Variants in PTPRM observed in about 807,000 individuals in gnomAD.
PTPRM encodes protein tyrosine phosphatase receptor type M, also known as receptor-type tyrosine-protein phosphatase mu.
A neutral mutation model predicts 186.7 loss-of-function variants in PTPRM; 47 were observed. The observed-to-expected ratio is 0.25, with a 90% confidence interval of 0.20 to 0.32. PTPRM has a LOEUF of 0.32. Ranked by LOEUF, PTPRM falls within the 10% of genes least tolerant of loss-of-function variation. PTPRM has a pLI of 1.00. For missense variants in PTPRM, 1,494 were observed against 1,865.0 expected, an observed-to-expected ratio of 0.80 and a Z score of 3.66; for synonymous variants, 668 against 674.9, an observed-to-expected ratio of 0.99 and a Z score of 0.16.
intron 32 of PTPRM, among the ~76,000 whole-genome samples, chr18:8,399,156 A>T (rs1396034350): frequency 1.3e-5 from 2 of 152,232 alleles, no homozygotes; most frequent in African/African-American, 2.4e-5. Context: ...TTATAGGCAG[A>T]AAAAAGCTTG....
intron 7 of PTPRM, among the ~76,000 whole-genome samples, chr18:7,979,427 C>T (rs937473416): frequency 5.3e-5 from 8 of 152,086 alleles, no homozygotes; most frequent in African/African-American, 1.4e-4. Context: ...TTTTTTGAAA[C>T]GCAGATCTAA....
At chr18:8,150,934 G>T (rs565412958) in intron 14 of PTPRM, among the ~76,000 whole-genome samples, 1 of 152,256 alleles carries the variant, frequency 6.6e-6, no homozygotes, top group East Asian at 1.9e-4. Context: ...TCCAGACCTT[G>T]TTTGCCTGGG....
chr18:7,930,204 G>C (rs2051401030), intron 5 of PTPRM, among the ~76,000 whole-genome samples: 1 of 151,992 alleles, frequency 6.6e-6, no homozygotes, highest in Non-Finnish European at 1.5e-5. Flanking sequence ...GGGTAGCTGG[G>C]ACTACAGGTG....
At chr18:7,841,559 G>T (rs1169756579) in intron 2 of PTPRM, among the ~76,000 whole-genome samples, 3 of 152,082 alleles carry the variant, frequency 2.0e-5, no homozygotes. Flanking sequence ...CTCCCAAAGT[G>T]CTGGGATTAC....
At chr18:8,185,337 C>T (rs954957475) in intron 14 of PTPRM, among the ~76,000 whole-genome samples, 2 of 152,174 alleles carry the variant, frequency 1.3e-5, no homozygotes, top group Non-Finnish European at 2.9e-5. Context: ...CACCAGGCCC[C>T]CCAGGAGCCC....
At chr18:7,940,901 A>G (rs1374023228) in intron 5 of PTPRM, among the ~76,000 whole-genome samples, 1 of 152,126 alleles carries the variant, frequency 6.6e-6, no homozygotes, top group Non-Finnish European at 1.5e-5. Context: ...CCTAGGAATT[A>G]TGGGGTGCTG....
chr18:8,265,861 G>A (rs1042759660), intron 19 of PTPRM, among the ~76,000 whole-genome samples: 15 of 152,112 alleles, frequency 9.9e-5, no homozygotes, highest in East Asian at 3.9e-4. Flanking sequence ...GCAGTAGTAC[G>A]GTCTCCTTAG....
intron 1 of PTPRM, among the ~76,000 whole-genome samples, chr18:7,678,020 T>A (rs1382986731): frequency 2.6e-5 from 4 of 151,912 alleles, no homozygotes; most frequent in Admixed American, 6.6e-5. Flanking sequence ...CACTTGGTTA[T>A]TGAATGAAGG....
intron 22 of PTPRM, among the ~76,000 whole-genome samples, chr18:8,332,615 C>T (rs2095417851): frequency 6.6e-6 from 1 of 152,110 alleles, no homozygotes; most frequent in African/African-American, 2.4e-5. Context: ...GTGGATACAG[C>T]GGAAAGTGTA....
At chr18:7,852,359 T>C (rs1053035156) in intron 2 of PTPRM, among the ~76,000 whole-genome samples, 30 of 152,054 alleles carry the variant, frequency 2.0e-4, no homozygotes, top group African/African-American at 7.2e-4. Context: ...GGAGGATCGC[T>C]AGAGGCCAGG....
intron 3 of PTPRM, among the ~76,000 whole-genome samples, chr18:7,905,459 T>A (rs572106585): frequency 6.6e-6 from 1 of 152,326 alleles, no homozygotes; most frequent in South Asian, 2.1e-4. Flanking sequence ...TGGACATTTT[T>A]ATATTATTTT....
At chr18:7,693,505 A>G (rs1367787101) in intron 1 of PTPRM, among the ~76,000 whole-genome samples, 1 of 152,238 alleles carries the variant, frequency 6.6e-6, no homozygotes, top group African/African-American at 2.4e-5. Flanking sequence ...GTAAATTGGT[A>G]ACCAGTAACA....
chr18:7,590,763 C>A (rs1285428563), intron 1 of PTPRM, among the ~76,000 whole-genome samples: 2 of 152,140 alleles, frequency 1.3e-5, no homozygotes, highest in Non-Finnish European at 2.9e-5. Flanking sequence ...AATTATTTAA[C>A]ATGTTTATTG....
chr18:8,172,516 A>G (rs1381604619), intron 14 of PTPRM, among the ~76,000 whole-genome samples: 1 of 152,086 alleles, frequency 6.6e-6, no homozygotes, highest in Non-Finnish European at 1.5e-5. Flanking sequence ...CTTCTTTGTC[A>G]TACCCCAGGC....
chr18:8,008,098 G>A (rs1467737443), intron 7 of PTPRM, among the ~76,000 whole-genome samples: 1 of 152,122 alleles, frequency 6.6e-6, no homozygotes, highest in Non-Finnish European at 1.5e-5. Flanking sequence ...TTTGCACTTT[G>A]GCTATTGTGT....
chr18:8,008,993 A>G (rs1056567321), intron 7 of PTPRM, among the ~76,000 whole-genome samples: 5 of 152,218 alleles, frequency 3.3e-5, no homozygotes, highest in African/African-American at 9.6e-5. Flanking sequence ...TTAATGCTCA[A>G]GCCCCTCAAA....
intron 1 of PTPRM, among the ~76,000 whole-genome samples, chr18:7,697,184 C>T (rs1360455800): frequency 6.6e-6 from 1 of 152,196 alleles, no homozygotes; most frequent in African/African-American, 2.4e-5. Flanking sequence ...CAAAGGATCA[C>T]TACTAACACA....
chr18:7,934,237 C>T lies in PTPRM; in HGVS notation c.663+7554C>T, dbSNP rs1220340647. On this transcript the variant is annotated intron_variant, in intron 5 of 32. Coordinates refer to ENST00000580170, the MANE Select transcript of PTPRM (RefSeq NM_001105244.2). ...AGAATGTAATTCCATTTGAGCTCTTCCTTTGAGGAGTTTAATTTTCTTAAA... is the reference window on the plus strand; with the variant it reads ...AGAATGTAATTCCATTTGAGCTCTTTCTTTGAGGAGTTTAATTTTCTTAAA... 2.0e-5 allele frequency among the ~76,000 whole-genome samples: 3 copies of T among 152,234 alleles called. No homozygotes were observed. The East Asian group carries it at 5.8e-4, about 29-fold the overall frequency.
intron 32 of PTPRM, among the ~76,000 whole-genome samples, chr18:8,402,381 C>T (rs373272605): frequency 1.7e-4 from 26 of 152,188 alleles, no homozygotes; most frequent in Admixed American, 2.6e-4. Context: ...AGGGCAGCTT[C>T]GGTGACTTCC....
Sources: allele counts gnomAD v4.1 joint callset (sites outside exome capture counted in the v4.1 genomes callset), GRCh38; gene constraint gnomAD v4.1.1; transcripts MANE v1.5; gene names NCBI Gene and HGNC (gene_info 2026-07-23, HGNC 2026-07-21).